The following WDR70 variants were observed in gnomAD, a reference collection of about 807,000 sequenced individuals.
WDR70 encodes the protein WD repeat-containing protein 70.
Under a neutral mutation model 88.6 loss-of-function variants are expected in WDR70, and 53 were observed. That is an observed-to-expected ratio of 0.60 (90% confidence interval 0.48 to 0.75). The LOEUF is 0.75. Among genes scored for constraint, WDR70 ranks in the 30% least tolerant of loss-of-function variants. WDR70 has a pLI of 0.00. For missense variants in WDR70, 610 were observed against 823.2 expected (o/e 0.74, Z 3.17); for synonymous variants, 280 against 270.0 (o/e 1.04, Z -0.36).
chr5:37,400,894 T>A (rs1749169728), intron 5 of WDR70, among the ~76,000 whole-genome samples: 1 of 152,324 alleles, frequency 6.6e-6, no homozygotes, highest in South Asian at 2.1e-4. Flanking sequence ...GGCTGAGTTT[T>A]CTTACTAGGA....
chr5:37,732,997 T>G (rs1277693053), intron 17 of WDR70, among the ~76,000 whole-genome samples: 1 of 152,078 alleles, frequency 6.6e-6, no homozygotes, highest in Non-Finnish European at 1.5e-5. Flanking sequence ...TCACCTGGAA[T>G]TATTTTAGTG....
Position 37,449,796 on chromosome 5 carries a change from C to T in WDR70, c.686+6424C>T, listed in dbSNP as rs531755494. Among the ~76,000 whole-genome samples the T allele has an allele frequency of 8.6e-4, 131 of 152,014 alleles. 1 individual carries two copies. The highest frequency in any genetic ancestry group is 7.7e-3 in the South Asian group (37 of 4,822). On this transcript the variant is annotated intron_variant, in intron 7 of 17. Transcript: ENST00000265107. ...TAAGTTCTGGGATACATGTGCAGAA[C>T]GTGCAGGTTTGTTACATAGGTATAC... is the stretch of plus-strand genomic sequence containing the variant.
chr5:37,516,380 G>C, intron 8 of WDR70, 134 bp from the exon 9 acceptor site: 2 of 502,232 alleles, frequency 4.0e-6, no homozygotes, highest in Admixed American at 6.2e-5. Context: ...AAATAATATA[G>C]GTTTATAATT....
At chr5:37,617,882 A>G (rs185939639) in intron 10 of WDR70, among the ~76,000 whole-genome samples, 16 of 152,208 alleles carry the variant, frequency 1.1e-4, no homozygotes, top group Admixed American at 3.3e-4. Context: ...GAAGGGAAAA[A>G]TGTAGCTGGT....
intron 10 of WDR70, among the ~76,000 whole-genome samples, chr5:37,660,883 C>T (rs1284261308): frequency 6.6e-6 from 1 of 151,886 alleles, no homozygotes; most frequent in Non-Finnish European, 1.5e-5. Context: ...TATAATACAA[C>T]AATAAAAGAA....
intron 8 of WDR70, among the ~76,000 whole-genome samples, chr5:37,487,677 G>A (rs1351645072): frequency 2.8e-5 from 4 of 142,348 alleles, no homozygotes; most frequent in Non-Finnish European, 4.5e-5. Flanking sequence ...CCAGGCTAGA[G>A]TGCAGTGGTG....
intron 9 of WDR70, among the ~76,000 whole-genome samples, chr5:37,522,493 A>AG (rs1229706438): frequency 6.6e-6 from 1 of 151,278 alleles, no homozygotes. Context: ...AAAAAAAAAA[A>AG]AGGTGGCAGT....
At chr5:37,677,335 A>G (rs1746260510) in intron 10 of WDR70, among the ~76,000 whole-genome samples, 1 of 152,016 alleles carries the variant, frequency 6.6e-6, no homozygotes, top group African/African-American at 2.4e-5. Flanking sequence ...TTAGGGTGTC[A>G]ATTTTGGATC....
At chr5:37,616,394 C>T (rs941450023) in intron 10 of WDR70, among the ~76,000 whole-genome samples, 3 of 152,188 alleles carry the variant, frequency 2.0e-5, no homozygotes, top group East Asian at 3.8e-4. Flanking sequence ...AGATGGCAGC[C>T]ACTGCACCCA....
intron 7 of WDR70, among the ~76,000 whole-genome samples, chr5:37,468,769 C>A (rs1369004967): frequency 6.6e-6 from 1 of 152,186 alleles, no homozygotes; most frequent in Non-Finnish European, 1.5e-5. Context: ...CTGTACTGAA[C>A]ATGTACACTT....
At chr5:37,523,959 G>A (rs150163668) in intron 9 of WDR70, among the ~76,000 whole-genome samples, 98 of 152,240 alleles carry the variant, frequency 6.4e-4, no homozygotes, top group African/African-American at 2.1e-3. Context: ...GAACAAAGCC[G>A]CTAAGAAATA....
chr5:37,486,168 CT>C (rs1159384718), intron 8 of WDR70, among the ~76,000 whole-genome samples: 13 of 151,970 alleles, frequency 8.6e-5, no homozygotes, highest in Non-Finnish European at 1.6e-4. Flanking sequence ...CTGCTGTAAT[CT>C]TTTTAGGTGC....
intron 14 of WDR70, chr5:37,722,199 A>G (rs1364174966): frequency 6.6e-6 from 1 of 152,226 alleles, no homozygotes; most frequent in Non-Finnish European, 1.5e-5. Flanking sequence ...AGTCTGTTTC[A>G]CTTGAGAAAA....
chr5:37,523,059 G>C (rs75686504), intron 9 of WDR70, among the ~76,000 whole-genome samples: 2,330 of 152,338 alleles, frequency 0.015, 52 homozygotes, highest in African/African-American at 0.053. Context: ...TGGGGGCAGG[G>C]CATACCTGAA....
intron 10 of WDR70, among the ~76,000 whole-genome samples, chr5:37,671,364 CAG>C (rs1389988059): frequency 6.6e-6 from 1 of 151,982 alleles, no homozygotes; most frequent in Non-Finnish European, 1.5e-5. Flanking sequence ...TGACATAAGA[CAG>C]GGAAATAGCA....
intron 10 of WDR70, among the ~76,000 whole-genome samples, chr5:37,624,076 T>C (rs192741418): frequency 6.6e-6 from 1 of 152,282 alleles, no homozygotes; most frequent in East Asian, 1.9e-4. Context: ...TCATTCCAGC[T>C]ATTTGAAAGT....
chr5:37,544,076 A>G (rs1191433211), intron 9 of WDR70, among the ~76,000 whole-genome samples: 1 of 152,158 alleles, frequency 6.6e-6, no homozygotes, highest in African/African-American at 2.4e-5. Context: ...CCTGGTCTTA[A>G]TCAGGTTTTT....
rs1381074761 is a variant in WDR70, at chr5:37,486,066, T to C, written c.840+6079T>C. Among the ~76,000 whole-genome samples the C allele has an allele frequency of 8.6e-5, 13 of 151,856 alleles. No individual in the cohort carries two copies. In the South Asian group the frequency reaches 2.3e-3, roughly 27 times the overall value. ...TACAACAAAAGTAGGTGTTGGTAAG[T>C]TTACAAAAATGTGACCAGTAGCTTG... On this transcript the variant is annotated intron_variant, in intron 8 of 17. Transcript: ENST00000265107.
At chr5:37,416,906 A>G (rs1253819471) in intron 5 of WDR70, among the ~76,000 whole-genome samples, 3 of 152,044 alleles carry the variant, frequency 2.0e-5, no homozygotes, top group African/African-American at 4.8e-5. Flanking sequence ...AGAAGCTAAT[A>G]CTCCACTTAC....
Sources: gnomAD v4.1 joint callset for allele counts (sites outside exome capture counted in the v4.1 genomes callset) on GRCh38, gnomAD v4.1.1 for gene constraint, MANE v1.5 for transcripts, NCBI Gene and HGNC (gene_info 2026-07-23, HGNC 2026-07-21) for gene names.